GPC6: variants seen among roughly 807,000 people sequenced by gnomAD.
The protein encoded by GPC6 is glypican-6.
In GPC6, 14 loss-of-function variants were observed where a neutral mutation model predicts 55.2. The ratio of observed to expected loss-of-function variants is 0.25; its 90% CI spans 0.17 to 0.40. The LOEUF (loss-of-function observed/expected upper bound fraction) is 0.40, where lower values mean the gene tolerates loss of function less well. Among genes scored for constraint, GPC6 ranks in the 10% least tolerant of loss-of-function variants. The probability of loss-of-function intolerance (pLI) is 1.00; values close to 1 mark genes in which losing one functional copy is unlikely to be tolerated. For missense variants in GPC6, 641 were observed against 708.5 expected (o/e 0.90, Z 1.08); for synonymous variants, 278 against 259.6 (o/e 1.07, Z -0.68).
chr13:93,522,140 C>A (rs549037752), intron 1 of GPC6, among the ~76,000 whole-genome samples: 5 of 151,742 alleles, frequency 3.3e-5, no homozygotes, highest in African/African-American at 9.7e-5. Context: ...TCTAGGCACA[C>A]CCTCTGGGTT....
At chr13:93,647,223 T>C (rs983109957) in intron 2 of GPC6, among the ~76,000 whole-genome samples, 1 of 152,168 alleles carries the variant, frequency 6.6e-6, no homozygotes, top group Non-Finnish European at 1.5e-5. Flanking sequence ...ATATTCTTGT[T>C]TGAATAAATG....
chr13:93,659,065 G>T (rs747342459), intron 2 of GPC6, among the ~76,000 whole-genome samples: 1 of 151,960 alleles, frequency 6.6e-6, no homozygotes, highest in Non-Finnish European at 1.5e-5. Flanking sequence ...AGGCTTTTCA[G>T]ATTTTCTGTC....
intron 2 of GPC6, among the ~76,000 whole-genome samples, chr13:93,738,008 A>T (rs1259198797): frequency 6.6e-6 from 1 of 152,108 alleles, no homozygotes; most frequent in Non-Finnish European, 1.5e-5. Context: ...GATATCTACA[A>T]CTTGTGCCAG....
At chr13:93,323,312 T>C (rs988556745) in intron 1 of GPC6, among the ~76,000 whole-genome samples, 1 of 152,210 alleles carries the variant, frequency 6.6e-6, no homozygotes, top group African/African-American at 2.4e-5. Context: ...TATTAAGTAA[T>C]AGGAAAAGAA....
At chr13:93,941,797 C>T (rs540345783) in intron 3 of GPC6, among the ~76,000 whole-genome samples, 1 of 152,250 alleles carries the variant, frequency 6.6e-6, no homozygotes, top group East Asian at 1.9e-4. Flanking sequence ...TCTCAAGTCT[C>T]CAGGGCATTA....
At chr13:93,890,027 G>C (rs990453860) in intron 3 of GPC6, among the ~76,000 whole-genome samples, 3 of 152,018 alleles carry the variant, frequency 2.0e-5, no homozygotes, top group Non-Finnish European at 4.4e-5. Flanking sequence ...AGAAACCAAA[G>C]CATGCAGAAA....
chr13:94,399,303 G>T (rs1032605337), intron 8 of GPC6, among the ~76,000 whole-genome samples: 1 of 152,034 alleles, frequency 6.6e-6, no homozygotes, highest in Non-Finnish European at 1.5e-5. Context: ...AAATTCTAGT[G>T]CAATATTACA....
intron 4 of GPC6, among the ~76,000 whole-genome samples, chr13:94,203,682 C>T (rs544458674): frequency 6.6e-6 from 1 of 152,260 alleles, no homozygotes; most frequent in East Asian, 1.9e-4. Context: ...GGGAGGCTAA[C>T]ATCACAATTA....
chr13:94,373,050 A>G (rs568786977), intron 6 of GPC6, among the ~76,000 whole-genome samples: 15 of 152,302 alleles, frequency 9.8e-5, no homozygotes, highest in Middle Eastern at 6.8e-3. Context: ...CATCCACACC[A>G]AAACCCCATC....
chr13:93,458,149 T>G (rs1389978981), intron 1 of GPC6, among the ~76,000 whole-genome samples: 1 of 152,198 alleles, frequency 6.6e-6, no homozygotes. Flanking sequence ...TTTATTTGTT[T>G]TGTAGAAAGG....
At chr13:93,716,757 C>T (rs922670514) in intron 2 of GPC6, among the ~76,000 whole-genome samples, 1 of 151,548 alleles carries the variant, frequency 6.6e-6, no homozygotes, top group African/African-American at 2.4e-5. Flanking sequence ...CAGTAGTGTA[C>T]AGTAATGTCC....
chr13:93,601,707 C>T (rs909539464), intron 2 of GPC6, among the ~76,000 whole-genome samples: 1 of 152,168 alleles, frequency 6.6e-6, no homozygotes, highest in Non-Finnish European at 1.5e-5. Context: ...GATGCCCAGA[C>T]CTCGGGATAT....
At chr13:93,944,476 T>C (rs1164258532) in intron 3 of GPC6, among the ~76,000 whole-genome samples, 1 of 152,136 alleles carries the variant, frequency 6.6e-6, no homozygotes, top group Non-Finnish European at 1.5e-5. Context: ...AGTGCTGGGA[T>C]TACAGGCATG....
intron 1 of GPC6, among the ~76,000 whole-genome samples, chr13:93,265,580 T>C (rs555654999): frequency 6.6e-6 from 1 of 152,290 alleles, no homozygotes; most frequent in East Asian, 1.9e-4. Flanking sequence ...CCAAGATATC[T>C]CATTAAGCAT....
At chr13:94,262,572 C>A (rs1267713294) in intron 4 of GPC6, among the ~76,000 whole-genome samples, 1 of 151,244 alleles carries the variant, frequency 6.6e-6, no homozygotes, top group Non-Finnish European at 1.5e-5. Flanking sequence ...GCTTGGGAGG[C>A]TGAGGCAGGA....
intron 2 of GPC6, among the ~76,000 whole-genome samples, chr13:93,784,762 A>G (rs942553623): frequency 3.3e-5 from 5 of 152,188 alleles, no homozygotes; most frequent in African/African-American, 1.2e-4. Context: ...TTATAGTCCA[A>G]TCAATGATTA....
At chr13:93,556,705 G>A (rs996492105) in intron 2 of GPC6, among the ~76,000 whole-genome samples, 4 of 151,456 alleles carry the variant, frequency 2.6e-5, no homozygotes, top group African/African-American at 4.9e-5. Flanking sequence ...CTCGCTGCCC[G>A]TCACTCCCCT....
chr13:93,593,818 A>G (rs1006505521), intron 2 of GPC6, among the ~76,000 whole-genome samples: 2 of 152,188 alleles, frequency 1.3e-5, no homozygotes, highest in Non-Finnish European at 2.9e-5. Context: ...AAATTATATT[A>G]CATGTATGCA....
At chr13:93,837,310 G>A (rs1159323844) in intron 3 of GPC6, among the ~76,000 whole-genome samples, 1 of 152,188 alleles carries the variant, frequency 6.6e-6, no homozygotes, top group Non-Finnish European at 1.5e-5. Flanking sequence ...ATTGAAAGAA[G>A]TTAGGGATTC....
Sources: allele counts gnomAD v4.1 joint callset (sites outside exome capture counted in the v4.1 genomes callset), GRCh38; gene constraint gnomAD v4.1.1; transcripts MANE v1.5; gene names NCBI Gene and HGNC (gene_info 2026-07-23, HGNC 2026-07-21).